Variants in MAP3K9 observed in about 807,000 individuals in gnomAD.
MAP3K9 encodes the protein mixed lineage kinase 1 (tyr and ser/thr specificity).
In MAP3K9, 46 loss-of-function variants were observed where a neutral mutation model predicts 95.8. The ratio of observed to expected loss-of-function variants is 0.48; its 90% confidence interval spans 0.38 to 0.61. The LOEUF is 0.61. MAP3K9 is among the 20% of genes least tolerant of loss of function. The pLI, the probability that MAP3K9 is intolerant of heterozygous loss-of-function variation, is 0.00. For synonymous variants in MAP3K9, 533 were observed against 593.8 expected (o/e 0.90, Z 1.49); for missense variants, 1,296 against 1,474.3 (o/e 0.88, Z 1.98).
intron 2 of MAP3K9, among the ~76,000 whole-genome samples, chr14:70,776,630 C>T (rs963138367): frequency 3.3e-5 from 5 of 152,062 alleles, no homozygotes; most frequent in African/African-American, 4.8e-5. Flanking sequence ...CTGCTCTCTC[C>T]GTTAGAGATT....
intron 1 of MAP3K9, among the ~76,000 whole-genome samples, chr14:70,808,307 A>G (rs2055014303): frequency 6.6e-6 from 1 of 152,176 alleles, no homozygotes; most frequent in South Asian, 2.1e-4. Flanking sequence ...CATCTCTTTG[A>G]AAGCAAATGC....
In MAP3K9 at chr14:70,758,928, A is replaced by C. The variant is rs113939290; in HGVS notation, c.1001+2074T>G. On this transcript the variant is annotated intron_variant, in intron 3 of 11. Coordinates refer to ENST00000554752, the MANE Select transcript of MAP3K9 (RefSeq NM_001284230.2). ...CAGGCATGCGCCACCACGCCTAGCT[A>C]ATTTTGTATTACAACATGGATGAAT... Among the ~76,000 whole-genome samples the C allele has an allele frequency of 2.8e-3, 426 of 152,280 alleles. 1 individual carries two copies. The highest frequency in any genetic ancestry group is 9.8e-3 in the African/African-American group (407 of 41,550).
chr14:70,757,387 G>A (rs555984803), intron 3 of MAP3K9, among the ~76,000 whole-genome samples: 2 of 150,372 alleles, frequency 1.3e-5, no homozygotes, highest in African/African-American at 4.9e-5. Flanking sequence ...CCTGAGCCCA[G>A]GAGGTCAAGG....
chr14:70,738,533 C>T (rs1320419011), intron 7 of MAP3K9, 135 bp from the exon 8 acceptor site: 3 of 694,732 alleles, frequency 4.3e-6, no homozygotes, highest in Admixed American at 5.5e-5. Flanking sequence ...ACTCTGTGCC[C>T]AAGTGGACCC....
intron 9 of MAP3K9, among the ~76,000 whole-genome samples, chr14:70,735,366 C>CT (rs10716151): frequency 2.7e-4 from 38 of 140,144 alleles, no homozygotes; most frequent in African/African-American, 5.8e-4. Context: ...CAGAGTGGCT[C>CT]TTTTTTTTTT....
intron 2 of MAP3K9, among the ~76,000 whole-genome samples, chr14:70,793,348 A>G (rs1373856682): frequency 1.3e-5 from 2 of 152,208 alleles, no homozygotes; most frequent in African/African-American, 4.8e-5. Flanking sequence ...GGCTCAGACA[A>G]TTAAGATGGA....
At chr14:70,783,252 C>G in intron 2 of MAP3K9, 2 of 959,854 alleles carry the variant, frequency 2.1e-6, no homozygotes, top group Non-Finnish European at 2.5e-6. Context: ...GTACTGTGTC[C>G]AAACAACGGT....
intron 3 of MAP3K9, among the ~76,000 whole-genome samples, chr14:70,758,167 G>A (rs111312757): frequency 1.3e-5 from 2 of 151,954 alleles, no homozygotes; most frequent in Non-Finnish European, 2.9e-5. Context: ...GAATAGAAAG[G>A]ACTCTTTCAG....
intron 4 of MAP3K9, 71 bp downstream of exon 4, chr14:70,749,862 T>C: frequency 6.4e-7 from 1 of 1,565,582 alleles, no homozygotes; most frequent in Non-Finnish European, 8.8e-7. Flanking sequence ...CTCACAGAAT[T>C]GGCCAAACTC....
At chr14:70,741,152 G>A (rs147700492) in intron 6 of MAP3K9, among the ~76,000 whole-genome samples, 10 of 151,968 alleles carry the variant, frequency 6.6e-5, no homozygotes, top group South Asian at 2.1e-4. Context: ...GTACAAGGGC[G>A]CAATCTCCGC....
chr14:70,778,021 T>C (rs1478205937), intron 2 of MAP3K9, among the ~76,000 whole-genome samples: 1 of 152,020 alleles, frequency 6.6e-6, no homozygotes, highest in East Asian at 1.9e-4. Context: ...AAGAGAGGGA[T>C]AAATAGATGA....
intron 2 of MAP3K9, among the ~76,000 whole-genome samples, chr14:70,776,457 AGG>A (rs1328924744): frequency 2.0e-5 from 3 of 152,194 alleles, no homozygotes; most frequent in Non-Finnish European, 4.4e-5. Flanking sequence ...TGAGTAGTAC[AGG>A]CTGGACCCTG....
chr14:70,783,750 G>T lies in MAP3K9; in HGVS notation c.820+16917C>A, dbSNP rs189408279. 1.2e-4 allele frequency among the ~76,000 whole-genome samples: 19 copies of T among 152,304 alleles called. No homozygotes were observed. In the East Asian group the frequency reaches 3.5e-3, roughly 28 times the overall value. On this transcript the variant is annotated intron_variant, in intron 2 of 11. Coordinates refer to ENST00000554752, the MANE Select transcript of MAP3K9 (RefSeq NM_001284230.2). ...GGAACTGCTCTCTTGCTCACGCATG[G>T]TCCATTTGGCCATAAATTCAGCTGC...
In MAP3K9 at chr14:70,765,672, G is replaced by A. The variant is rs550447097; in HGVS notation, c.821-4490C>T. Among the ~76,000 whole-genome samples, 65 of 150,306 alleles carry A rather than the reference G, an allele frequency of 4.3e-4. 1 individual carries two copies. The highest frequency in any genetic ancestry group is 1.8e-3 in the Admixed American group (27 of 15,054). On this transcript the variant is annotated intron_variant, in intron 2 of 11. Coordinates refer to ENST00000554752, the MANE Select transcript of MAP3K9 (RefSeq NM_001284230.2). Reference sequence around the variant, plus strand: ...CTACACCAGGGGTGTCCAATCTTTCGGCTTCCCTGGGCCATATTGGAAGAA... The same window carrying A: ...CTACACCAGGGGTGTCCAATCTTTCAGCTTCCCTGGGCCATATTGGAAGAA...
chr14:70,730,357 TGCCCGCCCCA>T lies in MAP3K9; in HGVS notation c.*13_*22del, dbSNP rs760864126. The T allele has an allele frequency of 6.3e-7, 1 of 1,587,264 alleles. No individual in the cohort carries two copies. Among genetic ancestry groups the T allele is most frequent in the South Asian group, 1.1e-5 (1 of 88,482 alleles). On this transcript the variant is annotated 3_prime_UTR_variant, in exon 12 of 12. Coordinates refer to ENST00000554752, the MANE Select transcript of MAP3K9 (RefSeq NM_001284230.2). ...CCTCATCTCCGCTGGCTGTCCCCCT[TGCCCGCCCCA>T]ATCCTTTTCGTGCTAAGACCAGAAC...
chr14:70,786,970 A>G lies in MAP3K9; in HGVS notation c.820+13697T>C, dbSNP rs17766565. Among the ~76,000 whole-genome samples the G allele has an allele frequency of 4.8e-3, 732 of 152,324 alleles. 6 individuals carry two copies. Among genetic ancestry groups the G allele is most frequent in the Non-Finnish European group, 7.5e-3 (509 of 68,034 alleles). ...ACCCTGAAGGTTAACAGAATGCAGAAACAAAAACAAATTTTAAGTGTCCAG... is the reference window on the plus strand; with the variant it reads ...ACCCTGAAGGTTAACAGAATGCAGAGACAAAAACAAATTTTAAGTGTCCAG... On this transcript the variant is annotated intron_variant, in intron 2 of 11. Coordinates refer to ENST00000554752, the MANE Select transcript of MAP3K9 (RefSeq NM_001284230.2).
chr14:70,774,610 A>G (rs891837340), intron 2 of MAP3K9, among the ~76,000 whole-genome samples: 1 of 152,024 alleles, frequency 6.6e-6, no homozygotes, highest in South Asian at 2.1e-4. Context: ...TTGCCTCTGC[A>G]GTGAGCCAAG....
intron 11 of MAP3K9, 84 bp from the exon 12 acceptor site, chr14:70,730,948 C>T (rs2053893617): frequency 1.5e-6 from 2 of 1,372,580 alleles, no homozygotes; most frequent in African/African-American, 1.4e-5. Flanking sequence ...CCAACACCAC[C>T]ATATCCCTAC....
rs60144338 is a variant in MAP3K9 at position 70,774,983 on chromosome 14, C to CAAAAAAAAAAAAAAAAAAAAAA, written c.821-13823_821-13802dup. 3.3e-4 allele frequency among the ~76,000 whole-genome samples: 18 copies of CAAAAAAAAAAAAAAAAAAAAAA among 55,114 alleles called. 1 individual carries two copies. Among genetic ancestry groups the CAAAAAAAAAAAAAAAAAAAAAA allele is most frequent in the Non-Finnish European group, 3.9e-4 (13 of 33,628 alleles). The allele number at this position is 55,114 out of a possible 152,430, so 36.2% of individuals were successfully genotyped here. A position where few individuals can be genotyped will look rare whatever the true frequency, so the allele number is the denominator to read the frequency against. ...TGGAGACAGAGTGAGACTCTGTCCC[C>CAAAAAAAAAAAAAAAAAAAAAA]AAAAAAAAAAAAAAAAAAAAAAAAA... On this transcript the variant is annotated intron_variant, in intron 2 of 11. Transcript: ENST00000554752.
Sources: allele counts gnomAD v4.1 joint callset (sites outside exome capture counted in the v4.1 genomes callset), GRCh38; gene constraint gnomAD v4.1.1; transcripts MANE v1.5; gene names NCBI Gene and HGNC (gene_info 2026-07-23, HGNC 2026-07-21).